HMGN5: variants seen among roughly 807,000 people sequenced by gnomAD.
The protein encoded by HMGN5 is high mobility group nucleosome binding domain 5.
In HMGN5, 4 loss-of-function variants were observed where a neutral mutation model predicts 9.5. That is an observed-to-expected ratio of 0.42 (90% CI 0.21 to 0.96). HMGN5 has a LOEUF of 0.96. HMGN5 is among the 40% of genes least tolerant of loss of function. HMGN5 has a pLI of 0.30. For synonymous variants in HMGN5, 55 were observed against 57.1 expected (o/e 0.96, Z 0.16); for missense variants, 192 against 187.5 (o/e 1.02, Z -0.14).
chrX:81,188,515 C>T (rs767713325), intron 1 of HMGN5, among the ~76,000 whole-genome samples: 6 of 109,100 alleles, frequency 5.5e-5, no homozygotes, highest in Non-Finnish European at 1.1e-4. Flanking sequence ...TTAGGGTACA[C>T]GTGCACAACG....
intron 1 of HMGN5, among the ~76,000 whole-genome samples, chrX:81,149,715 T>C (rs1364380005): frequency 8.9e-6 from 1 of 111,929 alleles, no homozygotes; most frequent in Non-Finnish European, 1.9e-5. Flanking sequence ...GATGGAAATA[T>C]ATATTCCATG....
chrX:81,197,982 T>A lies in HMGN5; in HGVS notation c.-124+3755A>T, dbSNP rs2075514125. On this transcript the variant is annotated intron_variant, in intron 1 of 6. Coordinates refer to ENST00000358130, the MANE Select transcript of HMGN5 (RefSeq NM_030763.3). ...GAGTTGTGTCTAGCAAAGGCAAGAG[T>A]TGGATAAGTGGAGAGGGCAGAAAAG... is the stretch of plus-strand genomic sequence containing the variant. Among the ~76,000 whole-genome samples, 4 of 110,134 alleles carry A rather than the reference T, an allele frequency of 3.6e-5. No homozygotes were observed. The South Asian group carries it at 1.5e-3, about 42-fold the overall frequency.
At chrX:81,196,218 T>A (rs1202439848) in intron 1 of HMGN5, among the ~76,000 whole-genome samples, 3 of 110,457 alleles carry the variant, frequency 2.7e-5, no homozygotes, top group African/African-American at 6.6e-5. Flanking sequence ...AGAGAAAAAA[T>A]TTTATATTAC....
At chrX:81,191,449 T>G (rs1176653938) in intron 1 of HMGN5, among the ~76,000 whole-genome samples, 1 of 111,942 alleles carries the variant, frequency 8.9e-6, no homozygotes, top group Non-Finnish European at 1.9e-5. Context: ...TCTTTTTATT[T>G]CTAGTTTGCT....
intron 1 of HMGN5, among the ~76,000 whole-genome samples, chrX:81,140,671 G>A (rs771935602): frequency 1.8e-5 from 2 of 109,564 alleles, no homozygotes; most frequent in African/African-American, 3.3e-5. Context: ...CTGGTACTAC[G>A]TCAAGGCCTT....
intron 1 of HMGN5, among the ~76,000 whole-genome samples, chrX:81,200,698 G>A (rs998122465): frequency 3.6e-5 from 4 of 111,010 alleles, no homozygotes; most frequent in African/African-American, 1.3e-4. Context: ...CACACCCCGG[G>A]GCCAGTCGGG....
intron 1 of HMGN5, among the ~76,000 whole-genome samples, chrX:81,184,735 T>C (rs923562049): frequency 9.0e-6 from 1 of 111,709 alleles, no homozygotes; most frequent in African/African-American, 3.3e-5. Context: ...CCCAATGTTT[T>C]CTTTCAGTAG....
chrX:81,120,980 A>T (rs1399943346), intron 2 of HMGN5, among the ~76,000 whole-genome samples: 3 of 110,638 alleles, frequency 2.7e-5, no homozygotes, highest in Middle Eastern at 4.7e-3. Flanking sequence ...GTTCTCTAGG[A>T]CAGTTTGAAG....
intron 1 of HMGN5, among the ~76,000 whole-genome samples, chrX:81,181,427 C>T (rs2075462632): frequency 9.0e-6 from 1 of 111,189 alleles, no homozygotes; most frequent in Non-Finnish European, 1.9e-5. Context: ...TATCCATCAC[C>T]TCAAGTATTT....
rs756334838 is a variant in HMGN5, at chrX:81,172,877, A to G, written c.-124+28860T>C. Among the ~76,000 whole-genome samples, 8 of 111,440 alleles carry G rather than the reference A, an allele frequency of 7.2e-5. No homozygotes were observed. The South Asian group carries it at 1.1e-3, about 15-fold the overall frequency. On this transcript the variant is annotated intron_variant, in intron 1 of 6. Coordinates refer to ENST00000358130, the MANE Select transcript of HMGN5 (RefSeq NM_030763.3). ...CCTTACTCATAAAAGAGAAATATGG[A>G]TTAAACTACAATGAAAAAGAATGTT...
intron 1 of HMGN5, among the ~76,000 whole-genome samples, chrX:81,144,188 C>T (rs768085222): frequency 1.3e-3 from 140 of 111,416 alleles, no homozygotes; most frequent in Non-Finnish European, 2.3e-3. Context: ...TCCCTAACCC[C>T]CGTGTATCCT....
At chrX:81,119,639 A>T in intron 3 of HMGN5, 149 bp downstream of exon 3, 2 of 411,211 alleles carry the variant, frequency 4.9e-6, no homozygotes, top group Admixed American at 9.3e-5. Flanking sequence ...TGAAATTCGG[A>T]TATATATTTT....
At chrX:81,167,844 A>T (rs1444423510) in intron 1 of HMGN5, among the ~76,000 whole-genome samples, 1 of 112,187 alleles carries the variant, frequency 8.9e-6, no homozygotes, top group Non-Finnish European at 1.9e-5. Context: ...ACTATTAAAA[A>T]AGAAAAGACC....
intron 1 of HMGN5, among the ~76,000 whole-genome samples, chrX:81,175,359 G>C (rs756977368): frequency 4.5e-5 from 5 of 111,019 alleles, no homozygotes; most frequent in Non-Finnish European, 7.6e-5. Flanking sequence ...GTGTGTGTGT[G>C]TGTGTATGTG....
At chrX:81,186,410 A>G (rs868102510) in intron 1 of HMGN5, among the ~76,000 whole-genome samples, 71 of 112,212 alleles carry the variant, frequency 6.3e-4, no homozygotes, top group Middle Eastern at 4.6e-3. Flanking sequence ...TGCTTACAGT[A>G]GCCACTAATG....
chrX:81,199,188 T>C (rs939690542), intron 1 of HMGN5, among the ~76,000 whole-genome samples: 1 of 111,546 alleles, frequency 9.0e-6, no homozygotes, highest in Non-Finnish European at 1.9e-5. Flanking sequence ...GAAGGACCTC[T>C]TCAAGGAGAA....
At chrX:81,152,317 A>G (rs1350893721) in intron 1 of HMGN5, among the ~76,000 whole-genome samples, 2 of 112,078 alleles carry the variant, frequency 1.8e-5, no homozygotes, top group Non-Finnish European at 3.8e-5. Flanking sequence ...AAACAACCCC[A>G]TCAAAAAGTC....
chrX:81,199,025 CA>C (rs1268645991), intron 1 of HMGN5, among the ~76,000 whole-genome samples: 1 of 111,977 alleles, frequency 8.9e-6, no homozygotes, highest in African/African-American at 3.2e-5. Flanking sequence ...GCAACTTCAG[CA>C]AAGTCTCAGG....
chrX:81,179,517 G>A (rs1483405384), intron 1 of HMGN5, among the ~76,000 whole-genome samples: 1 of 111,237 alleles, frequency 9.0e-6, no homozygotes, highest in African/African-American at 3.3e-5. Flanking sequence ...ACCTCTTCAA[G>A]GAGAACTACA....
Sources: gnomAD v4.1 joint callset for allele counts (sites outside exome capture counted in the v4.1 genomes callset) on GRCh38, gnomAD v4.1.1 for gene constraint, MANE v1.5 for transcripts, NCBI Gene and HGNC (gene_info 2026-07-23, HGNC 2026-07-21) for gene names.